The following RIMS2 variants were observed in gnomAD, a reference collection of about 807,000 sequenced individuals.
RIMS2 encodes regulating synaptic membrane exocytosis 2.
RIMS2 carries 59 observed loss-of-function variants against 174.4 expected under a neutral mutation model. That is an observed-to-expected ratio of 0.34 (90% CI 0.27 to 0.42). The LOEUF (loss-of-function observed/expected upper bound fraction) is 0.42. Among genes scored for constraint, RIMS2 ranks in the 10% least tolerant of loss-of-function variants. The pLI, the probability that RIMS2 is intolerant of heterozygous loss-of-function variation, is 1.00. For missense variants in RIMS2, 1,620 were observed against 1,666.3 expected (o/e 0.97, Z 0.48); for synonymous variants, 606 against 572.5 (o/e 1.06, Z -0.84).
intron 10 of RIMS2, among the ~76,000 whole-genome samples, chr8:103,925,191 C>G (rs1189359208): frequency 6.6e-6 from 1 of 151,630 alleles, no homozygotes; most frequent in East Asian, 1.9e-4. Flanking sequence ...ACATATTACA[C>G]AGTTGATACT....
chr8:103,685,507 A>C (rs750106017), intron 1 of RIMS2, among the ~76,000 whole-genome samples: 5 of 152,196 alleles, frequency 3.3e-5, no homozygotes, highest in Non-Finnish European at 4.4e-5. Flanking sequence ...TCACATTTCA[A>C]TATGAGATTT....
At chr8:103,684,290 T>C (rs1184607638) in intron 1 of RIMS2, among the ~76,000 whole-genome samples, 1 of 152,194 alleles carries the variant, frequency 6.6e-6, no homozygotes, top group African/African-American at 2.4e-5. Flanking sequence ...AACTATATCA[T>C]AGAGAAGTAG....
chr8:103,655,530 T>A (rs2096519401), intron 1 of RIMS2, among the ~76,000 whole-genome samples: 1 of 152,166 alleles, frequency 6.6e-6, no homozygotes, highest in African/African-American at 2.4e-5. Flanking sequence ...TTGAATTTTA[T>A]ATTTTAGTTT....
chr8:103,607,163 T>G (rs9774576), intron 1 of RIMS2, among the ~76,000 whole-genome samples: 1 of 152,154 alleles, frequency 6.6e-6, no homozygotes, highest in East Asian at 1.9e-4. Context: ...CCATGTGTAG[T>G]GCTTCCTTCA....
intron 1 of RIMS2, among the ~76,000 whole-genome samples, chr8:103,620,931 A>T (rs2095619497): frequency 6.6e-6 from 1 of 152,242 alleles, no homozygotes. Flanking sequence ...AAGATGTGGG[A>T]AGGAAAATTT....
intron 15 of RIMS2, among the ~76,000 whole-genome samples, chr8:103,966,193 G>A (rs923948904): frequency 6.6e-6 from 1 of 152,128 alleles, no homozygotes; most frequent in Non-Finnish European, 1.5e-5. Context: ...GAAAGAGATT[G>A]TAGAAAAATT....
At chr8:103,829,086 G>GTTTT (rs34072454) in intron 3 of RIMS2, among the ~76,000 whole-genome samples, 17 of 134,620 alleles carry the variant, frequency 1.3e-4, no homozygotes, top group African/African-American at 3.9e-4. Context: ...TTAATAATAG[G>GTTTT]TTTTTTTTTT....
At chr8:104,058,096 G>T (rs2096907030) in intron 19 of RIMS2, among the ~76,000 whole-genome samples, 2 of 149,112 alleles carry the variant, frequency 1.3e-5, no homozygotes, top group Admixed American at 6.7e-5. Context: ...TAATGGGATG[G>T]CTGGGTCAAA....
intron 3 of RIMS2, among the ~76,000 whole-genome samples, chr8:103,811,511 C>G (rs555198496): frequency 6.6e-6 from 1 of 152,264 alleles, no homozygotes; most frequent in Admixed American, 6.5e-5. Context: ...GTGGCGTGAT[C>G]TTGGCTCACT....
At chr8:104,230,279 CAAAA>C (rs34786751) in intron 19 of RIMS2, among the ~76,000 whole-genome samples, 2 of 111,050 alleles carry the variant, frequency 1.8e-5, no homozygotes, top group East Asian at 2.8e-4. Context: ...AACTACATCT[CAAAA>C]AAAAAAAAAA....
chr8:104,099,931 C>T (rs945525591), intron 19 of RIMS2, among the ~76,000 whole-genome samples: 1 of 151,852 alleles, frequency 6.6e-6, no homozygotes, highest in Non-Finnish European at 1.5e-5. Flanking sequence ...GATCCTCCCA[C>T]CTCAGCCTCC....
chr8:104,045,941 C>T (rs1032394787), intron 19 of RIMS2, among the ~76,000 whole-genome samples: 1 of 151,794 alleles, frequency 6.6e-6, no homozygotes, highest in African/African-American at 2.4e-5. Flanking sequence ...TTAGTAAAAT[C>T]ACTTCCTGTT....
chr8:103,931,533 G>C (rs1024767655), intron 12 of RIMS2, 140 bp downstream of exon 14: 6 of 492,358 alleles, frequency 1.2e-5, no homozygotes, highest in Admixed American at 4.2e-5. Context: ...ATGTTCTTAG[G>C]AAACAAAATA....
chr8:103,924,375 A>G (rs2078314217), intron 10 of RIMS2, among the ~76,000 whole-genome samples: 1 of 151,704 alleles, frequency 6.6e-6, no homozygotes, highest in Non-Finnish European at 1.5e-5. Context: ...GCATCCAGGA[A>G]AACATAACTA....
At chr8:103,501,579 C>G (rs1214427830) in intron 1 of RIMS2, 6 of 152,890 alleles carry the variant, frequency 3.9e-5, no homozygotes, top group African/African-American at 1.4e-4. Flanking sequence ...CAGGGCTGCC[C>G]ACAGTGGCTG....
intron 19 of RIMS2, among the ~76,000 whole-genome samples, chr8:104,126,836 C>T (rs2098435849): frequency 6.6e-6 from 1 of 152,064 alleles, no homozygotes; most frequent in African/African-American, 2.4e-5. Context: ...TTTTATAAAG[C>T]TGCTTTGGTC....
At chr8:104,013,355 C>G in intron 17 of RIMS2, 87 bp from the exon 20 acceptor site, 1 of 1,052,312 alleles carries the variant, frequency 9.5e-7, no homozygotes, top group Non-Finnish European at 1.4e-6. Context: ...AAACAATTAC[C>G]TTTTTCAAAA....
chr8:103,930,979 C>G (rs761392741), intron 11 of RIMS2, among the ~76,000 whole-genome samples: 8 of 151,944 alleles, frequency 5.3e-5, no homozygotes, highest in Non-Finnish European at 1.5e-5. Flanking sequence ...TATATAAAGT[C>G]CTTAATTATG....
intron 3 of RIMS2, among the ~76,000 whole-genome samples, chr8:103,844,556 A>G (rs1438317013): frequency 6.6e-6 from 1 of 152,174 alleles, no homozygotes; most frequent in Non-Finnish European, 1.5e-5. Flanking sequence ...TCTAAGTTCT[A>G]TCTCAAGCTC....
Sources: gnomAD v4.1 joint callset for allele counts (sites outside exome capture counted in the v4.1 genomes callset) on GRCh38, gnomAD v4.1.1 for gene constraint, MANE v1.5 for transcripts, NCBI Gene and HGNC (gene_info 2026-07-23, HGNC 2026-07-21) for gene names.